Variants in RCAN2 observed in about 807,000 individuals in gnomAD.
The protein encoded by RCAN2 is calcipressin-2.
RCAN2 carries 9 observed loss-of-function variants against 23.6 expected under a neutral mutation model. That is an observed-to-expected ratio of 0.38 (90% CI 0.23 to 0.67). RCAN2 has a LOEUF of 0.67. Ranked by LOEUF, RCAN2 falls within the 30% of genes least tolerant of loss-of-function variation. The pLI, the probability that RCAN2 is intolerant of heterozygous loss-of-function variation, is 0.51. For missense variants in RCAN2, 273 were observed against 302.3 expected (o/e 0.90, Z 0.72); for synonymous variants, 109 against 115.7 (o/e 0.94, Z 0.37).
intron 1 of RCAN2, among the ~76,000 whole-genome samples, chr6:46,477,474 T>C (rs185130351): frequency 8.5e-4 from 129 of 152,330 alleles, no homozygotes; most frequent in African/African-American, 3.0e-3. Flanking sequence ...CTGTGGGGCT[T>C]TGGCAAGCTA....
intron 1 of RCAN2, among the ~76,000 whole-genome samples, 145 bp downstream of exon 1, chr6:46,491,016 ACCGCCCCCGCCC>A (rs1280186467): frequency 5.5e-4 from 72 of 130,128 alleles, no homozygotes; most frequent in South Asian, 5.2e-3. Flanking sequence ...CACCCCCGCC[ACCGCCCCCGCCC>A]CCGCCCCCGC....
At chr6:46,336,018 T>A (rs1764129437) in intron 2 of RCAN2, among the ~76,000 whole-genome samples, 1 of 152,222 alleles carries the variant, frequency 6.6e-6, no homozygotes, top group Non-Finnish European at 1.5e-5. Flanking sequence ...TCCAAATGCC[T>A]TGTCTTCAAA....
At chr6:46,459,313 T>G (rs930035317) in intron 1 of RCAN2, among the ~76,000 whole-genome samples, 1 of 152,244 alleles carries the variant, frequency 6.6e-6, no homozygotes, top group Non-Finnish European at 1.5e-5. Flanking sequence ...TTTAAGTGAA[T>G]CAAAACATTA....
chr6:46,475,948 T>C (rs972348558), intron 1 of RCAN2, among the ~76,000 whole-genome samples: 33 of 152,212 alleles, frequency 2.2e-4, no homozygotes, highest in Non-Finnish European at 3.8e-4. Context: ...GACATTCTCA[T>C]GGACTCTGTT....
intron 2 of RCAN2, among the ~76,000 whole-genome samples, chr6:46,397,735 G>C (rs1766138149): frequency 6.6e-6 from 1 of 152,100 alleles, no homozygotes; most frequent in Non-Finnish European, 1.5e-5. Flanking sequence ...TCCCAAAGTA[G>C]TCTATAATGA....
chr6:46,231,511 G>A (rs945390642), intron 4 of RCAN2, among the ~76,000 whole-genome samples: 1 of 151,778 alleles, frequency 6.6e-6, no homozygotes, highest in Admixed American at 6.6e-5. Context: ...CTGGGTTCAA[G>A]CAATTCTCTT....
chr6:46,375,579 C>T (rs957818941), intron 2 of RCAN2, among the ~76,000 whole-genome samples: 32 of 152,230 alleles, frequency 2.1e-4, no homozygotes, highest in African/African-American at 5.8e-4. Flanking sequence ...CACATACTAA[C>T]TGCATCAGCC....
At chr6:46,408,352 G>T (rs1368607888) in intron 2 of RCAN2, among the ~76,000 whole-genome samples, 1 of 152,146 alleles carries the variant, frequency 6.6e-6, no homozygotes, top group African/African-American at 2.4e-5. Flanking sequence ...CTGGCGAGTC[G>T]CTCACACAGC....
At chr6:46,454,298 T>C (rs1001140028) in intron 2 of RCAN2, among the ~76,000 whole-genome samples, 1 of 152,178 alleles carries the variant, frequency 6.6e-6, no homozygotes, top group South Asian at 2.1e-4. Context: ...GGAGGTTAAA[T>C]GAAAGAAATA....
At chr6:46,352,566 T>C (rs941051888) in intron 2 of RCAN2, among the ~76,000 whole-genome samples, 1 of 152,150 alleles carries the variant, frequency 6.6e-6, no homozygotes, top group South Asian at 2.1e-4. Flanking sequence ...GCTGGGCTCC[T>C]GTAAATGCCA....
At chr6:46,408,040 G>A (rs933238184) in intron 2 of RCAN2, among the ~76,000 whole-genome samples, 21 of 152,148 alleles carry the variant, frequency 1.4e-4, no homozygotes, top group Non-Finnish European at 2.9e-5. Context: ...CAAAATCCAT[G>A]ATTATTCCCT....
At chr6:46,238,082 G>T (rs140286629) in intron 4 of RCAN2, among the ~76,000 whole-genome samples, 3 of 152,136 alleles carry the variant, frequency 2.0e-5, no homozygotes, top group African/African-American at 7.2e-5. Flanking sequence ...GGGATAGTTT[G>T]TTATGTGGCA....
intron 4 of RCAN2, 27 bp from the exon 5 acceptor site, chr6:46,223,328 G>C: frequency 6.2e-7 from 1 of 1,606,064 alleles, no homozygotes; most frequent in African/African-American, 1.3e-5. Context: ...ATGGAAGTGA[G>C]AAAGAGGGGG....
chr6:46,321,468 A>G (rs952898299), intron 2 of RCAN2, among the ~76,000 whole-genome samples: 7 of 152,200 alleles, frequency 4.6e-5, no homozygotes, highest in African/African-American at 1.7e-4. Flanking sequence ...TATTTCTTAT[A>G]AGATTTGTCA....
chr6:46,442,859 T>C (rs1182009316), intron 2 of RCAN2, among the ~76,000 whole-genome samples: 4 of 152,310 alleles, frequency 2.6e-5, no homozygotes, highest in Middle Eastern at 3.4e-3. Flanking sequence ...AGAAGCAAGA[T>C]ACTAAATATG....
intron 2 of RCAN2, among the ~76,000 whole-genome samples, chr6:46,311,556 A>G (rs1362601497): frequency 5.3e-5 from 8 of 152,180 alleles, no homozygotes; most frequent in Non-Finnish European, 1.2e-4. Context: ...TGCAAGTGCC[A>G]AGGCATGGAA....
At chr6:46,282,985 C>T (rs1762250943) in intron 2 of RCAN2, among the ~76,000 whole-genome samples, 1 of 152,128 alleles carries the variant, frequency 6.6e-6, no homozygotes, top group Admixed American at 6.5e-5. Context: ...ACAGGTGATG[C>T]TCAAAATATT....
chr6:46,449,008 A>G (rs987244549), intron 2 of RCAN2, among the ~76,000 whole-genome samples: 1 of 151,844 alleles, frequency 6.6e-6, no homozygotes, highest in African/African-American at 2.4e-5. Context: ...AAATAAAAGG[A>G]ATCCAAACTG....
At chr6:46,245,424 G>A (rs927968589) in intron 4 of RCAN2, among the ~76,000 whole-genome samples, 2 of 152,156 alleles carry the variant, frequency 1.3e-5, no homozygotes, top group African/African-American at 4.8e-5. Flanking sequence ...GTTTGCCTGG[G>A]AATTTTCTGA....
Sources: allele counts gnomAD v4.1 joint callset (sites outside exome capture counted in the v4.1 genomes callset), GRCh38; gene constraint gnomAD v4.1.1; transcripts MANE v1.5; gene names NCBI Gene and HGNC (gene_info 2026-07-23, HGNC 2026-07-21).